The following IFT52 variants were observed in gnomAD, a reference collection of about 807,000 sequenced individuals.
The protein encoded by IFT52 is intraflagellar transport 52.
In IFT52, 44 loss-of-function variants were observed where a neutral mutation model predicts 54.4. The ratio of observed to expected loss-of-function variants is 0.81; its 90% CI spans 0.63 to 1.04. The LOEUF is 1.04. Among genes scored for constraint, IFT52 ranks in the 50% least tolerant of loss-of-function variants. The pLI is 0.00. For synonymous variants in IFT52, 181 were observed against 185.3 expected (o/e 0.98, Z 0.19); for missense variants, 452 against 523.6 (o/e 0.86, Z 1.33).
intron 1 of IFT52, among the ~76,000 whole-genome samples, chr20:43,591,965 A>G (rs1981558663): frequency 6.6e-6 from 1 of 152,236 alleles, no homozygotes; most frequent in African/African-American, 2.4e-5. Flanking sequence ...AGCGATTTAT[A>G]TATAGGGATT....
intron 5 of IFT52, among the ~76,000 whole-genome samples, chr20:43,604,543 TCTG>T (rs1982707903): frequency 6.6e-6 from 1 of 152,140 alleles, no homozygotes; most frequent in African/African-American, 2.4e-5. Context: ...ACCATTGTAC[TCTG>T]GCCTGGCTGA....
intron 7 of IFT52, 134 bp downstream of exon 7, chr20:43,614,110 A>G (rs1177331388): frequency 1.3e-5 from 10 of 763,460 alleles, no homozygotes; most frequent in Non-Finnish European, 1.9e-5. Context: ...GTAGCATTTC[A>G]GCTATATACA....
At chr20:43,603,297 G>C (rs1183966731) in intron 3 of IFT52, among the ~76,000 whole-genome samples, 1 of 152,162 alleles carries the variant, frequency 6.6e-6, no homozygotes, top group Non-Finnish European at 1.5e-5. Flanking sequence ...ACTTCATCCT[G>C]ATATCCTCTG....
At position 43,645,184 on chromosome 20, in the gene IFT52, G is replaced by T. The variant is rs777445334; in HGVS notation, c.1267-1752G>T. On this transcript the variant is annotated intron_variant, in intron 13 of 13. Coordinates refer to ENST00000373030, the MANE Select transcript of IFT52 (RefSeq NM_016004.5). Reference sequence around the variant, plus strand: ...GGGAGAGACTAAAGAACAGTATATAGAGAGATTCTACTTTCTTTACAGAAT... The same window carrying T: ...GGGAGAGACTAAAGAACAGTATATATAGAGATTCTACTTTCTTTACAGAAT... Among the ~76,000 whole-genome samples the T allele has an allele frequency of 1.7e-4, 10 of 57,980 alleles. 5 individuals are homozygous for T. Among genetic ancestry groups the T allele is most frequent in the Non-Finnish European group, 4.1e-4 (10 of 24,336 alleles). The allele number at this position is 57,980 out of a possible 152,430, so 38.0% of individuals were successfully genotyped here.
intron 9 of IFT52, among the ~76,000 whole-genome samples, chr20:43,622,627 T>G (rs1215312977): frequency 1.4e-5 from 2 of 147,798 alleles, no homozygotes; most frequent in Non-Finnish European, 3.0e-5. Flanking sequence ...TTTATACATA[T>G]ATATATTCTA....
intron 1 of IFT52, 109 bp from the exon 2 acceptor site, chr20:43,594,584 G>A: frequency 1.5e-6 from 1 of 663,500 alleles, no homozygotes; most frequent in Non-Finnish European, 2.7e-6. Context: ...ATAGGTTTCA[G>A]TTGTATACCC....
At chr20:43,622,458 C>G (rs1479862474) in intron 9 of IFT52, among the ~76,000 whole-genome samples, 7 of 151,540 alleles carry the variant, frequency 4.6e-5, no homozygotes, top group Non-Finnish European at 5.9e-5. Context: ...AAAAAATTAG[C>G]CGGGCATGGT....
chr20:43,595,159 A>T (rs961027674), intron 2 of IFT52, among the ~76,000 whole-genome samples: 1 of 149,372 alleles, frequency 6.7e-6, no homozygotes, highest in African/African-American at 2.5e-5. Context: ...ACTAAAAATT[A>T]AAAAAAAAAT....
At chr20:43,632,890 A>C (rs1446894915) in intron 10 of IFT52, among the ~76,000 whole-genome samples, 4 of 152,238 alleles carry the variant, frequency 2.6e-5, no homozygotes, top group Admixed American at 6.5e-5. Flanking sequence ...GAGAAACCTG[A>C]TATGAAACTT....
intron 2 of IFT52, among the ~76,000 whole-genome samples, chr20:43,595,043 C>T (rs1981828252): frequency 1.3e-5 from 2 of 151,116 alleles, no homozygotes; most frequent in South Asian, 2.1e-4. Flanking sequence ...CTGGCCGGCA[C>T]GGTGGCTGAC....
chr20:43,603,712 C>T (rs759373677), intron 3 of IFT52, 48 bp from the exon 4 acceptor site: 20 of 1,578,726 alleles, frequency 1.3e-5, no homozygotes, highest in Non-Finnish European at 1.4e-5. Context: ...GTATTTCGGG[C>T]AAAAGTCTTT....
At chr20:43,621,725 A>G (rs1984315444) in intron 9 of IFT52, among the ~76,000 whole-genome samples, 1 of 152,200 alleles carries the variant, frequency 6.6e-6, no homozygotes, top group African/African-American at 2.4e-5. Flanking sequence ...AGCTTCCCAA[A>G]GTTCTGGGAT....
intron 6 of IFT52, among the ~76,000 whole-genome samples, chr20:43,612,915 G>A (rs1208290243): frequency 6.6e-6 from 1 of 152,032 alleles, no homozygotes; most frequent in African/African-American, 2.4e-5. Context: ...GCTTTGCAGA[G>A]CTCCATCTTT....
At chr20:43,601,771 G>T (rs574569654) in intron 3 of IFT52, among the ~76,000 whole-genome samples, 2 of 152,192 alleles carry the variant, frequency 1.3e-5, no homozygotes, top group Non-Finnish European at 2.9e-5. Flanking sequence ...GGGCTGTCTG[G>T]GAAGAGGAGT....
intron 3 of IFT52, among the ~76,000 whole-genome samples, chr20:43,598,734 C>G (rs1251302006): frequency 1.3e-5 from 2 of 152,074 alleles, no homozygotes; most frequent in Non-Finnish European, 2.9e-5. Context: ...CTATATACTT[C>G]AGAATGGTTA....
intron 7 of IFT52, among the ~76,000 whole-genome samples, chr20:43,614,531 C>CTT (rs111989807): frequency 6.8e-6 from 1 of 146,920 alleles, no homozygotes. Context: ...TTTAAAATAA[C>CTT]TTTTTTTTTT....
intron 6 of IFT52, among the ~76,000 whole-genome samples, chr20:43,608,421 G>A (rs1186973043): frequency 6.6e-6 from 1 of 152,030 alleles, no homozygotes; most frequent in African/African-American, 2.4e-5. Flanking sequence ...TAGTGCATAG[G>A]ATGACCTTTA....
intron 7 of IFT52, among the ~76,000 whole-genome samples, chr20:43,616,763 A>G (rs1034452494): frequency 2.6e-5 from 4 of 151,996 alleles, no homozygotes; most frequent in African/African-American, 4.8e-5. Flanking sequence ...ACTCATGCCT[A>G]TAATCTTAGC....
chr20:43,642,451 A>G (rs1985976568), intron 12 of IFT52, 28 bp from the exon 13 acceptor site: 3 of 1,606,138 alleles, frequency 1.9e-6, no homozygotes, highest in Non-Finnish European at 2.6e-6. Flanking sequence ...GTTAAGAATT[A>G]ATCTAACTAC....
Sources: allele counts gnomAD v4.1 joint callset (sites outside exome capture counted in the v4.1 genomes callset), GRCh38; gene constraint gnomAD v4.1.1; transcripts MANE v1.5; gene names NCBI Gene and HGNC (gene_info 2026-07-23, HGNC 2026-07-21).